The following ZMAT3 variants were observed in gnomAD, a reference collection of about 807,000 sequenced individuals.
The protein encoded by ZMAT3 is zinc finger matrin-type protein 3.
Under a neutral mutation model 32.3 loss-of-function variants are expected in ZMAT3, and 17 were observed. The ratio of observed to expected loss-of-function variants is 0.53; its 90% confidence interval spans 0.36 to 0.79. ZMAT3 has a LOEUF of 0.79. Among genes scored for constraint, ZMAT3 ranks in the 30% least tolerant of loss-of-function variants. The probability of loss-of-function intolerance (pLI) is 0.00; values close to 1 mark genes in which losing one functional copy is unlikely to be tolerated. For synonymous variants in ZMAT3, 120 were observed against 133.1 expected, an observed-to-expected ratio of 0.90 and a Z score of 0.68; for missense variants, 329 against 359.7, an observed-to-expected ratio of 0.91 and a Z score of 0.69.
At position 179,037,866 on chromosome 3, in the gene ZMAT3, A is replaced by G. The variant is rs576742941; in HGVS notation, c.271-6867T>C. 9.8e-5 allele frequency among the ~76,000 whole-genome samples: 15 copies of G among 152,348 alleles called. No individual in the cohort carries two copies. In the South Asian group the frequency reaches 3.1e-3, roughly 32 times the overall value. Reference sequence around the variant, plus strand: ...GGCAACCATTCTAAGAAAAGGAGATAAAACAGTGAACAAAGGCAAAGTCTC... The same window carrying G: ...GGCAACCATTCTAAGAAAAGGAGATGAAACAGTGAACAAAGGCAAAGTCTC... On this transcript the variant is annotated intron_variant, in intron 2 of 5. Coordinates refer to ENST00000311417, the MANE Select transcript of ZMAT3 (RefSeq NM_022470.4).
chr3:179,067,563 C>T lies in ZMAT3; in HGVS notation c.190G>A (p.Glu64Lys). The T allele has an allele frequency of 6.2e-7, 1 of 1,614,208 alleles. No individual in the cohort carries two copies. Among genetic ancestry groups the T allele is most frequent in the Non-Finnish European group, 8.5e-7 (1 of 1,180,042 alleles). The change falls in exon 2 of 6, where the codon GAG becomes AAG. Residue 64 changes from glutamate to lysine, a missense_variant. Coordinates refer to ENST00000311417, the MANE Select transcript of ZMAT3 (RefSeq NM_022470.4). ...SKGGEQDCALEELCKPLYCKL... is the reference protein window; with the variant it reads ...SKGGEQDCALKELCKPLYCKL... ...CAGTACAGGGGCTTACATAGCTCCT[C>T]CAGGGCACAGTCTTGCTCCCCTCCC...
At chr3:179,038,641 A>G (rs1469253555) in intron 2 of ZMAT3, among the ~76,000 whole-genome samples, 1 of 152,208 alleles carries the variant, frequency 6.6e-6, no homozygotes, top group African/African-American at 2.4e-5. Context: ...TCCCAGCGTG[A>G]TCAATGCAGC....
Position 179,067,500 on chromosome 3 carries a change from C to T in ZMAT3, c.253G>A (p.Ala85Thr), listed in dbSNP as rs1180704201. 1.2e-6 allele frequency: 2 copies of T among 1,614,182 alleles called. No homozygotes were observed. Residue 85 changes from alanine to threonine, a missense_variant, in exon 2 of 6, where the codon GCC (alanine) becomes ACC (threonine). Physicochemically the swap from Ala to Thr is moderately conservative, Grantham distance 58. Coordinates refer to ENST00000311417, the MANE Select transcript of ZMAT3 (RefSeq NM_022470.4). Reference sequence around the variant, plus strand: ...CCCTTTACCTGATAATGAGCCTGGGCTTGCTGTGCAGAGTTCAAGGTGACA... The same window carrying T: ...CCCTTTACCTGATAATGAGCCTGGGTTTGCTGTGCAGAGTTCAAGGTGACA... ...CNVTLNSAQQ[A>T]QAHYQGKNHG...
rs1474087518 is a variant in ZMAT3, at chr3:179,024,833, A to G, written c.*184T>C. 1 of 600,770 alleles carries G rather than the reference A, an allele frequency of 1.7e-6. No individual in the cohort carries two copies. The highest frequency in any genetic ancestry group is 1.9e-5 in the South Asian group (1 of 51,414). The allele number at this position is 600,770 out of a possible 1,614,324, so 37.2% of individuals were successfully genotyped here. On this transcript the variant is annotated 3_prime_UTR_variant, in exon 6 of 6. Coordinates refer to ENST00000311417, the MANE Select transcript of ZMAT3 (RefSeq NM_022470.4). ...ATGACCTAAGAAGCACGTTCTTCAC[A>G]CCCACCTCCCCCCGCCCCGCCCCCG...
intron 1 of ZMAT3, 30 bp downstream of exon 1, chr3:179,071,565 G>C (rs1204681892): frequency 1.3e-5 from 2 of 152,180 alleles, no homozygotes; most frequent in African/African-American, 4.8e-5. Flanking sequence ...CGTCCTGAAA[G>C]CTCCGCGGCT....
intron 2 of ZMAT3, among the ~76,000 whole-genome samples, chr3:179,040,213 A>G (rs1190718642): frequency 6.6e-6 from 1 of 152,230 alleles, no homozygotes; most frequent in African/African-American, 2.4e-5. Flanking sequence ...CAACATTCAA[A>G]TTCAGGAAAT....
At chr3:179,069,839 A>G (rs916713404) in intron 1 of ZMAT3, among the ~76,000 whole-genome samples, 2 of 152,380 alleles carry the variant, frequency 1.3e-5, no homozygotes, top group Middle Eastern at 3.4e-3. Flanking sequence ...GCAGAAGTGT[A>G]CTGCCCATAT....
chr3:179,067,371 T>C, intron 2 of ZMAT3, 112 bp downstream of exon 2: 1 of 1,148,332 alleles, frequency 8.7e-7, no homozygotes, highest in Non-Finnish European at 1.2e-6. Flanking sequence ...AGTTGTTCTC[T>C]AAGCCATCTT....
At chr3:179,051,787 G>T (rs555971186) in intron 2 of ZMAT3, among the ~76,000 whole-genome samples, 1 of 152,248 alleles carries the variant, frequency 6.6e-6, no homozygotes, top group East Asian at 1.9e-4. Flanking sequence ...ATAGCATACG[G>T]CTACAGTCAC....
At chr3:179,059,897 G>A (rs548964641) in intron 2 of ZMAT3, among the ~76,000 whole-genome samples, 25 of 152,268 alleles carry the variant, frequency 1.6e-4, no homozygotes, top group African/African-American at 6.0e-4. Context: ...GAAGGTGACC[G>A]TGTCCACCTT....
chr3:179,027,304 T>C (rs1272431340), intron 5 of ZMAT3, 119 bp downstream of exon 5: 7 of 811,366 alleles, frequency 8.6e-6, no homozygotes, highest in Non-Finnish European at 1.3e-5. Context: ...ACTAGACTAA[T>C]TCAATAAAAC....
chr3:179,041,552 G>C (rs750450055), intron 2 of ZMAT3, among the ~76,000 whole-genome samples: 2 of 152,134 alleles, frequency 1.3e-5, no homozygotes, highest in Admixed American at 1.3e-4. Flanking sequence ...AAAACTCAAC[G>C]TACCAGAGTC....
chr3:179,031,915 A>G lies in ZMAT3; in HGVS notation c.271-916T>C, dbSNP rs1369310441. 1.1e-4 allele frequency among the ~76,000 whole-genome samples: 12 copies of G among 109,686 alleles called. No homozygotes were observed. The Admixed American group carries it at 1.1e-3, about 10-fold the overall frequency. 72.0% of individuals were successfully genotyped at this position (109,686 alleles called of 152,430 possible). On this transcript the variant is annotated intron_variant, in intron 2 of 5. Coordinates refer to ENST00000311417, the MANE Select transcript of ZMAT3 (RefSeq NM_022470.4). The stretch of plus-strand genomic sequence containing the variant: ...AAGTTAGATTCTGTCTCAAATAAAA[A>G]AAAAAAAAACTCTCCCTCTCCCTCC...
At position 179,021,177 on chromosome 3, in the gene ZMAT3, GAGAC is replaced by G. The variant is rs1366619762; in HGVS notation, c.*3836_*3839del. 6.6e-6 allele frequency: 1 copy of G among 152,182 alleles called. No individual in the cohort carries two copies. Among genetic ancestry groups the G allele is most frequent in the Non-Finnish European group, 1.5e-5 (1 of 68,024 alleles). The allele number at this position is 152,182 out of a possible 1,614,324, so 9.4% of individuals were successfully genotyped here. ...CACCTTGCAGAATTTAGTGCAATAA[GAGAC>G]AGGCAGACAAACATAAACAACATGC... On this transcript the variant is annotated 3_prime_UTR_variant, in exon 6 of 6. Transcript: ENST00000311417.
At chr3:179,025,339 A>T in intron 5 of ZMAT3, 111 bp from the exon 6 acceptor site, 1 of 925,874 alleles carries the variant, frequency 1.1e-6, no homozygotes, top group South Asian at 1.7e-5. Flanking sequence ...AAATTCACAG[A>T]TTCTTAGCTT....
chr3:179,049,616 T>C (rs776748472), intron 2 of ZMAT3, among the ~76,000 whole-genome samples: 1 of 152,176 alleles, frequency 6.6e-6, no homozygotes, highest in Non-Finnish European at 1.5e-5. Context: ...TTATTTGAAC[T>C]GAACGATAAT....
At chr3:179,026,242 T>C (rs1051755273) in intron 5 of ZMAT3, among the ~76,000 whole-genome samples, 4 of 152,126 alleles carry the variant, frequency 2.6e-5, no homozygotes, top group Non-Finnish European at 5.9e-5. Context: ...TTTCTGATAT[T>C]AATACAGCTA....
intron 5 of ZMAT3, among the ~76,000 whole-genome samples, chr3:179,027,027 C>T (rs1402977482): frequency 2.6e-5 from 4 of 152,136 alleles, no homozygotes; most frequent in Non-Finnish European, 4.4e-5. Flanking sequence ...TTTGTAAAAG[C>T]TCCTTGGGTA....
At chr3:179,065,048 T>C (rs558876634) in intron 2 of ZMAT3, among the ~76,000 whole-genome samples, 1 of 152,322 alleles carries the variant, frequency 6.6e-6, no homozygotes, top group Non-Finnish European at 1.5e-5. Context: ...CTTCTCTCTT[T>C]AAGAGTTACC....
Sources: allele counts gnomAD v4.1 joint callset (sites outside exome capture counted in the v4.1 genomes callset), GRCh38; gene constraint gnomAD v4.1.1; transcripts MANE v1.5; gene names NCBI Gene and HGNC (gene_info 2026-07-23, HGNC 2026-07-21).